MTERF3: variants seen among roughly 807,000 people sequenced by gnomAD.
MTERF3 encodes the protein mitochondrial transcription termination factor 3, also known as transcription termination factor 3, mitochondrial.
In MTERF3, 40 loss-of-function variants were observed where a neutral mutation model predicts 40.5. The observed-to-expected ratio is 0.99, with a 90% confidence interval of 0.77 to 1.29. The LOEUF (loss-of-function observed/expected upper bound fraction) is 1.29, where lower values mean the gene tolerates loss of function less well. MTERF3 is among the 50% of genes most tolerant of loss of function. The pLI, the probability that MTERF3 is intolerant of heterozygous loss-of-function variation, is 0.00. For synonymous variants in MTERF3, 158 were observed against 166.6 expected, an observed-to-expected ratio of 0.95 and a Z score of 0.40; for missense variants, 452 against 478.2, an observed-to-expected ratio of 0.95 and a Z score of 0.51.
chr8:96,241,566 C>T (rs1336013843), intron 7 of MTERF3, among the ~76,000 whole-genome samples: 1 of 152,296 alleles, frequency 6.6e-6, no homozygotes, highest in South Asian at 2.1e-4. Context: ...TATACGTTTA[C>T]TTCTCCAGTG....
chr8:96,253,007 T>TA (rs1006565662), intron 3 of MTERF3, among the ~76,000 whole-genome samples: 1 of 152,166 alleles, frequency 6.6e-6, no homozygotes, highest in Non-Finnish European at 1.5e-5. Flanking sequence ...ATTGGGGTTA[T>TA]AAAAAAAGAA....
chr8:96,245,121 T>C (rs1179264403), intron 6 of MTERF3, among the ~76,000 whole-genome samples: 1 of 152,008 alleles, frequency 6.6e-6, no homozygotes, highest in Non-Finnish European at 1.5e-5. Flanking sequence ...ACTGCCCCCA[T>C]CACTCTGGAT....
intron 4 of MTERF3, 56 bp from the exon 5 acceptor site, chr8:96,246,510 A>C: frequency 2.8e-6 from 4 of 1,450,496 alleles, no homozygotes; most frequent in South Asian, 1.4e-5. Context: ...TTTTTTTTTG[A>C]GATGGAGTCT....
chr8:96,241,390 C>A (rs1013921173), intron 7 of MTERF3, among the ~76,000 whole-genome samples: 2 of 150,636 alleles, frequency 1.3e-5, no homozygotes, highest in Non-Finnish European at 1.5e-5. Context: ...AGCCTGGCGA[C>A]AGAGCCAGAC....
chr8:96,247,031 G>A (rs189198333), intron 4 of MTERF3, among the ~76,000 whole-genome samples: 159 of 152,094 alleles, frequency 1.0e-3, no homozygotes, highest in African/African-American at 3.8e-3. Context: ...GGAGTGCAGT[G>A]GCATGATCTG....
intron 6 of MTERF3, among the ~76,000 whole-genome samples, chr8:96,244,649 C>A (rs1044802014): frequency 1.3e-5 from 2 of 152,320 alleles, no homozygotes; most frequent in Middle Eastern, 3.4e-3. Flanking sequence ...GATCTGCCCA[C>A]CTCGGCCTCC....
intron 3 of MTERF3, among the ~76,000 whole-genome samples, chr8:96,252,324 T>G (rs910609266): frequency 3.3e-5 from 5 of 152,262 alleles, no homozygotes; most frequent in Non-Finnish European, 5.9e-5. Flanking sequence ...ATAGACTATT[T>G]GTTAAAATAT....
At chr8:96,248,722 C>CA (rs1416313001) in intron 4 of MTERF3, among the ~76,000 whole-genome samples, 2 of 151,178 alleles carry the variant, frequency 1.3e-5, no homozygotes, top group Admixed American at 6.6e-5. Flanking sequence ...CCCACCCAAC[C>CA]AAAAAAAGAG....
chr8:96,239,919 G>T, intron 7 of MTERF3: 1 of 668,746 alleles, frequency 1.5e-6, no homozygotes, highest in South Asian at 1.6e-5. Context: ...GCTATACTGT[G>T]TGCAAAGAAG....
chr8:96,258,186 T>C, intron 2 of MTERF3, 171 bp downstream of exon 2: 1 of 964,878 alleles, frequency 1.0e-6, no homozygotes, highest in Non-Finnish European at 1.2e-6. Context: ...AAACTTTTTT[T>C]CTTACCAGTA....
At chr8:96,258,164 A>C in intron 2 of MTERF3, 193 bp downstream of exon 2, 3 of 810,106 alleles carry the variant, frequency 3.7e-6, no homozygotes, top group Non-Finnish European at 4.5e-6. Flanking sequence ...ATAATCTTAC[A>C]CGTTAGCCCA....
intron 3 of MTERF3, among the ~76,000 whole-genome samples, chr8:96,251,630 G>A (rs1219861396): frequency 1.3e-5 from 2 of 152,086 alleles, no homozygotes; most frequent in Non-Finnish European, 2.9e-5. Flanking sequence ...GTCCCTTGAA[G>A]AAACTCAAGA....
At chr8:96,259,929 A>G (rs986679669) in intron 1 of MTERF3, among the ~76,000 whole-genome samples, 6 of 150,320 alleles carry the variant, frequency 4.0e-5, no homozygotes, top group African/African-American at 1.5e-4. Flanking sequence ...TTTGAGACGG[A>G]GTTTCGCCCT....
chr8:96,256,571 TTAAC>T (rs1477391067), intron 3 of MTERF3, among the ~76,000 whole-genome samples: 2 of 151,984 alleles, frequency 1.3e-5, no homozygotes, highest in Non-Finnish European at 2.9e-5. Flanking sequence ...TAGTCATAAT[TTAAC>T]TACTGACTAA....
chr8:96,250,493 T>C (rs1220377539), intron 4 of MTERF3, among the ~76,000 whole-genome samples: 6 of 144,538 alleles, frequency 4.2e-5, no homozygotes, highest in Admixed American at 2.8e-4. Context: ...GGCAGATCAC[T>C]TGAGGTCAGG....
intron 6 of MTERF3, among the ~76,000 whole-genome samples, chr8:96,245,208 T>A (rs1399526211): frequency 1.3e-5 from 2 of 152,118 alleles, no homozygotes; most frequent in Non-Finnish European, 2.9e-5. Context: ...AGGAGCTCAA[T>A]AAAAAGATTT....
At chr8:96,241,506 C>A (rs1183054640) in intron 7 of MTERF3, among the ~76,000 whole-genome samples, 4 of 152,086 alleles carry the variant, frequency 2.6e-5, no homozygotes, top group Middle Eastern at 3.2e-3. Context: ...TTACTAATTT[C>A]CTAAATATAA....
At chr8:96,255,123 A>G (rs1810256177) in intron 3 of MTERF3, among the ~76,000 whole-genome samples, 1 of 152,218 alleles carries the variant, frequency 6.6e-6, no homozygotes, top group South Asian at 2.1e-4. Context: ...TCTGCATTTC[A>G]GAAAGAGCAC....
intron 3 of MTERF3, among the ~76,000 whole-genome samples, chr8:96,255,994 G>A (rs1465839077): frequency 6.6e-6 from 1 of 152,114 alleles, no homozygotes; most frequent in Non-Finnish European, 1.5e-5. Flanking sequence ...ACTAAAAACT[G>A]GGGTATTGGG....
Sources: gnomAD v4.1 joint callset for allele counts (sites outside exome capture counted in the v4.1 genomes callset) on GRCh38, gnomAD v4.1.1 for gene constraint, MANE v1.5 for transcripts, NCBI Gene and HGNC (gene_info 2026-07-23, HGNC 2026-07-21) for gene names.